Variants in SNX13 observed in about 807,000 individuals in gnomAD.
SNX13 encodes sorting nexin-13.
A neutral mutation model predicts 133.6 loss-of-function variants in SNX13; 45 were observed. The ratio of observed to expected loss-of-function variants is 0.34; its 90% CI spans 0.27 to 0.43. The LOEUF is 0.43. SNX13 is among the 20% of genes least tolerant of loss of function. SNX13 has a pLI of 1.00. For missense variants in SNX13, 1,032 were observed against 1,145.1 expected (o/e 0.90, Z 1.43); for synonymous variants, 414 against 373.9 (o/e 1.11, Z -1.24).
At chr7:17,878,754 C>T (rs566940936) in intron 5 of SNX13, among the ~76,000 whole-genome samples, 4 of 152,286 alleles carry the variant, frequency 2.6e-5, no homozygotes, top group African/African-American at 7.2e-5. Context: ...ATCTTCCATA[C>T]GGAAAGCCCT....
chr7:17,823,195 T>C (rs1462861719), intron 17 of SNX13, among the ~76,000 whole-genome samples: 1 of 152,144 alleles, frequency 6.6e-6, no homozygotes, highest in Non-Finnish European at 1.5e-5. Context: ...TTTTTCCCCA[T>C]GGTCTACGGC....
intron 11 of SNX13, among the ~76,000 whole-genome samples, chr7:17,846,689 C>T (rs1790575020): frequency 6.6e-6 from 1 of 151,990 alleles, no homozygotes; most frequent in African/African-American, 2.4e-5. Flanking sequence ...AAATCCATCT[C>T]TATAATTTGT....
intron 1 of SNX13, among the ~76,000 whole-genome samples, chr7:17,926,714 C>A (rs1583815786): frequency 6.6e-6 from 1 of 152,146 alleles, no homozygotes; most frequent in South Asian, 2.1e-4. Flanking sequence ...TGGTGAAACC[C>A]CATTTCTACA....
chr7:17,843,592 A>T (rs775975460), intron 12 of SNX13, among the ~76,000 whole-genome samples: 41 of 152,158 alleles, frequency 2.7e-4, no homozygotes, highest in Middle Eastern at 3.4e-3. Context: ...AAGCATACAG[A>T]ACACTTCCCA....
At chr7:17,851,482 T>C (rs937802769) in intron 9 of SNX13, among the ~76,000 whole-genome samples, 2 of 152,140 alleles carry the variant, frequency 1.3e-5, no homozygotes, top group Admixed American at 6.6e-5. Flanking sequence ...AAATATAATA[T>C]AGTCAGGGAG....
At chr7:17,824,370 T>G (rs989867211) in intron 17 of SNX13, among the ~76,000 whole-genome samples, 1 of 152,110 alleles carries the variant, frequency 6.6e-6, no homozygotes, top group Non-Finnish European at 1.5e-5. Flanking sequence ...AGCTCCTACT[T>G]TCTGAAATAA....
chr7:17,940,470 G>A lies in SNX13; in HGVS notation c.-175C>T, dbSNP rs1473549496. On this transcript the variant is annotated 5_prime_UTR_variant, in exon 1 of 26. Transcript: ENST00000428135. The stretch of plus-strand genomic sequence containing the variant: ...TCCCCTCGGCCCGGTCGCTCGCGAC[G>A]GACGCGCCGCCATCTTGGAAGAGCG... 1 of 744,956 alleles carries A rather than the reference G, an allele frequency of 1.3e-6. No homozygotes were observed. The highest frequency in any genetic ancestry group is 1.5e-5 in the South Asian group (1 of 68,280). 46.1% of individuals were successfully genotyped at this position (744,956 alleles called of 1,614,324 possible). A position where few individuals can be genotyped will look rare whatever the true frequency, so the allele number is the denominator to read the frequency against.
chr7:17,897,292 A>G, intron 2 of SNX13, 42 bp downstream of exon 2: 1 of 1,122,934 alleles, frequency 8.9e-7, no homozygotes, highest in Non-Finnish European at 1.2e-6. Flanking sequence ...TTTTAACAAG[A>G]TATGACACAT....
intron 23 of SNX13, 120 bp from the exon 24 acceptor site, chr7:17,798,878 C>T (rs1784334997): frequency 8.1e-7 from 1 of 1,229,800 alleles, no homozygotes; most frequent in South Asian, 1.4e-5. Context: ...GAGCAACAGA[C>T]TGCTTTAATG....
Position 17,805,246 on chromosome 7 carries a change from T to TGCGCGC in SNX13, c.2065-1667_2065-1666insGCGCGC, listed in dbSNP as rs1255822051. On this transcript the variant is annotated intron_variant, in intron 20 of 25. Transcript: ENST00000428135. ...GTGTGTGTGTGTGTGTGTGTGTGTG[T>TGCGCGC]GTGTGCGTGCGCGCGCGCGCATGCA... 8.0e-3 allele frequency among the ~76,000 whole-genome samples: 804 copies of TGCGCGC among 100,138 alleles called. 7 individuals are homozygous for TGCGCGC. The highest frequency in any genetic ancestry group is 0.013 in the Non-Finnish European group (575 of 43,670). 65.7% of individuals were successfully genotyped at this position (100,138 alleles called of 152,430 possible). A position where few individuals can be genotyped will look rare whatever the true frequency, so the allele number is the denominator to read the frequency against.
At chr7:17,917,500 A>G (rs1347363266) in intron 1 of SNX13, among the ~76,000 whole-genome samples, 6 of 152,182 alleles carry the variant, frequency 3.9e-5, no homozygotes, top group Non-Finnish European at 5.9e-5. Flanking sequence ...CTATAGACCA[A>G]TAACATTCAA....
chr7:17,832,697 G>GT (rs1229151852), intron 15 of SNX13, among the ~76,000 whole-genome samples: 3 of 151,196 alleles, frequency 2.0e-5, no homozygotes, highest in African/African-American at 2.4e-5. Context: ...GAAGAACTCT[G>GT]TTTTTTTAAA....
chr7:17,802,493 A>G (rs1190119640), intron 21 of SNX13, among the ~76,000 whole-genome samples: 5 of 152,148 alleles, frequency 3.3e-5, no homozygotes, highest in Non-Finnish European at 7.4e-5. Context: ...ATCTCAAGTT[A>G]TTGGTGATGA....
chr7:17,893,970 G>GAAAAA (rs11298863), intron 2 of SNX13, among the ~76,000 whole-genome samples: 1 of 126,922 alleles, frequency 7.9e-6, no homozygotes, highest in Non-Finnish European at 1.7e-5. Flanking sequence ...AGACTGTCTC[G>GAAAAA]AAAAAAAAAA....
chr7:17,805,250 T>TGTGCGCGCGCGC, intron 20 of SNX13, among the ~76,000 whole-genome samples: 4 of 95,560 alleles, frequency 4.2e-5, no homozygotes, highest in South Asian at 3.0e-4. Flanking sequence ...TGTGTGTGTG[T>TGTGCGCGCGCGC]GCGTGCGCGC....
At position 17,793,026 on chromosome 7, in the gene SNX13, T is replaced by C. The variant is rs952507860; in HGVS notation, c.*1019A>G. On this transcript the variant is annotated 3_prime_UTR_variant, in exon 26 of 26. Coordinates refer to ENST00000428135, the MANE Select transcript of SNX13 (RefSeq NM_015132.5). ...TTATTTTCATATATGTACACTGTCA[T>C]AGAATTAGGAATCTGTATGTTTACT... is the stretch of plus-strand genomic sequence containing the variant. 1 of 152,276 alleles carries C rather than the reference T, an allele frequency of 6.6e-6. No homozygotes were observed. Among genetic ancestry groups the C allele is most frequent in the Non-Finnish European group, 1.5e-5 (1 of 67,834 alleles). The allele number at this position is 152,276 out of a possible 1,614,324, so 9.4% of individuals were successfully genotyped here.
Position 17,814,951 on chromosome 7 carries a change from A to AG in SNX13, c.1954-8dup. ...TTTCAGGAGCTAACAGTAACTAACAAGAAAAAAAAAAAAAAGAAGAGATTA... is the reference window on the plus strand; with the variant it reads ...TTTCAGGAGCTAACAGTAACTAACAAGGAAAAAAAAAAAAAAGAAGAGATTA... On this transcript the variant is annotated splice_polypyrimidine_tract_variant and splice_region_variant and intron_variant, in intron 19 of 25. Transcript: ENST00000428135. 1 of 1,399,364 alleles carries AG rather than the reference A, an allele frequency of 7.1e-7. No homozygotes were observed. Among genetic ancestry groups the AG allele is most frequent in the Non-Finnish European group, 9.2e-7 (1 of 1,091,122 alleles). 86.7% of individuals were successfully genotyped at this position (1,399,364 alleles called of 1,614,324 possible).
At position 17,897,300 on chromosome 7, in the gene SNX13, CATGAATTATAAAATTAT is replaced by C. The variant is rs775209356; in HGVS notation, c.125+17_125+33del. 54 of 1,211,090 alleles carry C rather than the reference CATGAATTATAAAATTAT, an allele frequency of 4.5e-5. No homozygotes were observed. The highest frequency in any genetic ancestry group is 5.8e-5 in the Non-Finnish European group (51 of 877,830). The allele number at this position is 1,211,090 out of a possible 1,614,324, so 75.0% of individuals were successfully genotyped here. On this transcript the variant is annotated intron_variant, in intron 2 of 25. Coordinates refer to ENST00000428135, the MANE Select transcript of SNX13 (RefSeq NM_015132.5). The stretch of plus-strand genomic sequence containing the variant: ...GTTTCCATTTTAACAAGATATGACA[CATGAATTATAAAATTAT>C]AATTGAGTATACTTACCCACCCACA...
At chr7:17,864,669 C>T (rs1471391507) in intron 9 of SNX13, among the ~76,000 whole-genome samples, 1 of 151,792 alleles carries the variant, frequency 6.6e-6, no homozygotes, top group African/African-American at 2.4e-5. Flanking sequence ...TCGAAAAACA[C>T]CAATAAAATT....
Sources: allele counts gnomAD v4.1 joint callset (sites outside exome capture counted in the v4.1 genomes callset), GRCh38; gene constraint gnomAD v4.1.1; transcripts MANE v1.5; gene names NCBI Gene and HGNC (gene_info 2026-07-23, HGNC 2026-07-21).